ZNF846: variants seen among roughly 807,000 people sequenced by gnomAD.
The protein encoded by ZNF846 is zinc finger protein 846, also known as zinc finger protein 420 pseudogene.
In ZNF846, 15 loss-of-function variants were observed where a neutral mutation model predicts 16.0. The ratio of observed to expected loss-of-function variants is 0.94; its 90% CI spans 0.63 to 1.45. The LOEUF (loss-of-function observed/expected upper bound fraction) is 1.45, where lower values mean the gene tolerates loss of function less well. Ranked by LOEUF, ZNF846 falls within the 40% of genes most tolerant of loss-of-function variation. The pLI, the probability that ZNF846 is intolerant of heterozygous loss-of-function variation, is 0.00. For synonymous variants in ZNF846, 229 were observed against 212.0 expected (o/e 1.08, Z -0.70); for missense variants, 714 against 622.3 (o/e 1.15, Z -1.57).
downstream of ZNF846, among the ~76,000 whole-genome samples, chr19:9,752,663 C>T (rs1292823223): frequency 7.1e-6 from 1 of 140,528 alleles, no homozygotes; most frequent in Non-Finnish European, 1.5e-5. Context: ...AGTGATTTCC[C>T]TTTTTTTTTT....
At chr19:9,752,972 G>T (rs1383940064), downstream of ZNF846, among the ~76,000 whole-genome samples, 1 of 148,334 alleles carries the variant, frequency 6.7e-6, no homozygotes, top group African/African-American at 2.6e-5. Flanking sequence ...TGGAGATTAG[G>T]TCAAAGCTCA....
chr19:9,761,999 C>A (rs1040828433), intron 4 of ZNF846, 83 bp downstream of exon 4: 33 of 1,218,412 alleles, frequency 2.7e-5, no homozygotes, highest in Admixed American at 3.6e-5. Context: ...CTGAGAAGTT[C>A]GCAAAGTAAC....
chr19:9,754,847 T>C (rs1046953759), downstream of ZNF846, among the ~76,000 whole-genome samples: 5 of 151,100 alleles, frequency 3.3e-5, no homozygotes, highest in African/African-American at 1.2e-4. Context: ...TGATATTTTA[T>C]ATGTAGTTAC....
chr19:9,768,936 G>GA (rs1330190731), upstream of ZNF846, among the ~76,000 whole-genome samples: 1 of 152,144 alleles, frequency 6.6e-6, no homozygotes, highest in Admixed American at 6.5e-5. Context: ...TCGATATTGG[G>GA]AACGACGCCG....
chr19:9,757,339 G>A (rs2045147397), downstream of ZNF846: 2 of 688,704 alleles, frequency 2.9e-6, no homozygotes, highest in Non-Finnish European at 4.7e-6. Context: ...TTATATCACT[G>A]GGACTTGTGT....
intron 1 of ZNF846, among the ~76,000 whole-genome samples, chr19:9,767,063 T>C: frequency 6.6e-6 from 1 of 151,918 alleles, no homozygotes; most frequent in East Asian, 1.9e-4. Context: ...ATAGCTTCAG[T>C]GGCTCCTCCT....
chr19:9,773,052 C>A (rs1220540770), upstream of ZNF846, among the ~76,000 whole-genome samples: 2 of 151,888 alleles, frequency 1.3e-5, no homozygotes, highest in African/African-American at 2.4e-5. Flanking sequence ...TAGAGCCAGA[C>A]CTTGTCTAAA....
chr19:9,771,779 T>A (rs1435051953), upstream of ZNF846, among the ~76,000 whole-genome samples: 2 of 152,012 alleles, frequency 1.3e-5, no homozygotes, highest in Non-Finnish European at 2.9e-5. Context: ...TTTTTTTTTT[T>A]CTTTTTTGAG....
intron 1 of ZNF846, among the ~76,000 whole-genome samples, chr19:9,767,795 G>C (rs188506241): frequency 6.6e-6 from 1 of 152,096 alleles, no homozygotes; most frequent in Non-Finnish European, 1.5e-5. Flanking sequence ...TTAGCCGGGC[G>C]TGGTGGCACA....
At chr19:9,758,030 A>G (rs1379184250) in exon 6 of ZNF846, 1 of 1,613,302 alleles carries the variant, frequency 6.2e-7, no homozygotes, top group Non-Finnish European at 8.5e-7. Flanking sequence ...GGTATGAGGA[A>G]TGAATAAAAG....
At chr19:9,758,624 T>C in exon 6 of ZNF846, 16 of 1,613,244 alleles carry the variant, frequency 9.9e-6, no homozygotes, top group Non-Finnish European at 1.4e-5. Flanking sequence ...AGTTCTTTCT[T>C]AAGGCTTTTC....
intron 2 of ZNF846, among the ~76,000 whole-genome samples, chr19:9,763,634 C>T (rs972380938): frequency 6.6e-6 from 1 of 152,228 alleles, no homozygotes; most frequent in African/African-American, 2.4e-5. Context: ...ACAATGGGCT[C>T]TTCTGGCCTT....
chr19:9,760,199 A>T (rs1401731918), intron 4 of ZNF846, among the ~76,000 whole-genome samples: 1 of 151,322 alleles, frequency 6.6e-6, no homozygotes, highest in African/African-American at 2.5e-5. Flanking sequence ...AGGCTGAGGC[A>T]GGAGAATCAC....
At chr19:9,773,012 G>T (rs989208312), upstream of ZNF846, among the ~76,000 whole-genome samples, 19 of 152,030 alleles carry the variant, frequency 1.2e-4, no homozygotes, top group African/African-American at 4.6e-4. Context: ...AACTAAAACC[G>T]ACCATGCCCC....
chr19:9,782,917 C>T (rs1226378482), intron 1 of ZNF846, among the ~76,000 whole-genome samples: 1 of 135,862 alleles, frequency 7.4e-6, no homozygotes, highest in Non-Finnish European at 1.5e-5. Flanking sequence ...AACACTATCT[C>T]CCTGTAACTT....
intron 1 of ZNF846, among the ~76,000 whole-genome samples, chr19:9,779,848 C>A (rs2045482924): frequency 1.3e-5 from 2 of 151,588 alleles, no homozygotes; most frequent in Admixed American, 1.3e-4. Context: ...GCTAGGATTA[C>A]AAGCATGAGT....
rs566672636 is a variant in ZNF846 at position 9,777,067 on chromosome 19, C to T, written c.-86+8871G>A. Reference sequence around the variant, plus strand: ...AGGCCCTAAAGGACTAAAAAATCTGCTTGTTTGGACTATGTTTAAAACAAT... The same window carrying T: ...AGGCCCTAAAGGACTAAAAAATCTGTTTGTTTGGACTATGTTTAAAACAAT... On this transcript the variant is annotated intron_variant, in intron 1 of 4. Transcript: ENST00000586814. 9.3e-5 allele frequency among the ~76,000 whole-genome samples: 14 copies of T among 151,334 alleles called. No homozygotes were observed. In the South Asian group the frequency reaches 2.9e-3, roughly 32 times the overall value.
chr19:9,768,342 C>T (rs1009447310), exon 1 of ZNF846: 3 of 152,230 alleles, frequency 2.0e-5, no homozygotes, highest in African/African-American at 7.2e-5. Context: ...GGGCCCTTTT[C>T]CACAACAGCT....
chr19:9,761,143 C>T lies in ZNF846; in HGVS notation c.229+939G>A, dbSNP rs566144118. ...GAAGCCAGGAAGCTGATGGAGGTTG[C>T]AGTGAGCCAAGATGGCTCCACTGGA... On this transcript the variant is annotated intron_variant, in intron 4 of 5. Transcript: ENST00000397902. Among the ~76,000 whole-genome samples, 45 of 152,138 alleles carry T rather than the reference C, an allele frequency of 3.0e-4. 1 individual carries two copies. Among genetic ancestry groups the T allele is most frequent in the African/African-American group, 1.1e-3 (45 of 41,484 alleles).
Sources: gnomAD v4.1 joint callset for allele counts (sites outside exome capture counted in the v4.1 genomes callset) on GRCh38, gnomAD v4.1.1 for gene constraint, MANE v1.5 for transcripts, NCBI Gene and HGNC (gene_info 2026-07-23, HGNC 2026-07-21) for gene names.